The following IKZF3 variants were observed in gnomAD, a reference collection of about 807,000 sequenced individuals.
The protein encoded by IKZF3 is zinc finger protein Aiolos.
IKZF3 carries 10 observed loss-of-function variants against 49.0 expected under a neutral mutation model. The observed-to-expected ratio is 0.20, with a 90% CI of 0.13 to 0.35. The LOEUF is 0.35. Among genes scored for constraint, IKZF3 ranks in the 10% least tolerant of loss-of-function variants. IKZF3 has a pLI of 1.00. For synonymous variants in IKZF3, 209 were observed against 228.2 expected (o/e 0.92, Z 0.76); for missense variants, 498 against 664.8 (o/e 0.75, Z 2.76).
At chr17:39,805,634 A>G (rs2061416793) in intron 3 of IKZF3, among the ~76,000 whole-genome samples, 1 of 152,236 alleles carries the variant, frequency 6.6e-6, no homozygotes, top group Non-Finnish European at 1.5e-5. Flanking sequence ...AATAGAAGAA[A>G]CTCAGCACTG....
At chr17:39,820,664 A>T (rs2061786926) in intron 3 of IKZF3, among the ~76,000 whole-genome samples, 2 of 152,124 alleles carry the variant, frequency 1.3e-5, no homozygotes, top group Non-Finnish European at 2.9e-5. Context: ...TCAGCTTCTA[A>T]GTAGCAGGGG....
intron 3 of IKZF3, among the ~76,000 whole-genome samples, chr17:39,803,884 A>G (rs1379997664): frequency 6.6e-6 from 1 of 152,222 alleles, no homozygotes; most frequent in Non-Finnish European, 1.5e-5. Context: ...GTAAAATTCA[A>G]AAACTGTCAT....
chr17:39,848,768 C>T (rs1325191318), intron 1 of IKZF3, among the ~76,000 whole-genome samples: 2 of 152,168 alleles, frequency 1.3e-5, no homozygotes, highest in South Asian at 2.1e-4. Context: ...CAGCCCGGAA[C>T]TCCTGGGCTT....
Position 39,849,361 on chromosome 17 carries a change from T to TA in IKZF3, c.7+14758dup, listed in dbSNP as rs1225803172. On this transcript the variant is annotated intron_variant, in intron 1 of 7. Transcript: ENST00000346872. ...TCAGTATGAAAAAAGACAACCCAAT[T>TA]AAAAAAAAAAAATCCAGCCAGGCGT... Among the ~76,000 whole-genome samples, 106 of 106,378 alleles carry TA rather than the reference T, an allele frequency of 1.0e-3. No individual in the cohort carries two copies. In the Middle Eastern group the frequency reaches 0.04, roughly 40 times the overall value. 69.8% of individuals were successfully genotyped at this position (106,378 alleles called of 152,430 possible).
At chr17:39,852,130 T>C (rs1281184801) in intron 1 of IKZF3, among the ~76,000 whole-genome samples, 1 of 152,194 alleles carries the variant, frequency 6.6e-6, no homozygotes, top group African/African-American at 2.4e-5. Flanking sequence ...TTGGCATTTT[T>C]CTCTCAATAA....
chr17:39,806,695 T>C (rs1174102929), intron 3 of IKZF3, among the ~76,000 whole-genome samples: 1 of 152,196 alleles, frequency 6.6e-6, no homozygotes, highest in African/African-American at 2.4e-5. Flanking sequence ...GTGGGCAGCC[T>C]TCTAAAACGG....
intron 1 of IKZF3, among the ~76,000 whole-genome samples, chr17:39,854,232 A>G (rs2062972545): frequency 6.6e-6 from 1 of 152,192 alleles, no homozygotes; most frequent in Non-Finnish European, 1.5e-5. Flanking sequence ...ATTCCAGAAG[A>G]CAGAATAAGG....
chr17:39,826,800 G>A (rs914526872), intron 3 of IKZF3, among the ~76,000 whole-genome samples: 1 of 152,138 alleles, frequency 6.6e-6, no homozygotes, highest in Non-Finnish European at 1.5e-5. Context: ...TGCAGAAGAT[G>A]GGCTGAATTT....
intron 3 of IKZF3, among the ~76,000 whole-genome samples, chr17:39,807,639 G>C (rs1455913048): frequency 1.4e-5 from 2 of 142,526 alleles, no homozygotes; most frequent in Non-Finnish European, 3.0e-5. Flanking sequence ...TTGAGCCCAG[G>C]AGTTTGAGAC....
chr17:39,840,232 T>C (rs1335898681), intron 1 of IKZF3, among the ~76,000 whole-genome samples: 1 of 152,214 alleles, frequency 6.6e-6, no homozygotes, highest in Non-Finnish European at 1.5e-5. Flanking sequence ...AGAATTTATA[T>C]CCAAAAAAGC....
chr17:39,805,453 T>C (rs942595242), intron 3 of IKZF3, among the ~76,000 whole-genome samples: 1 of 152,054 alleles, frequency 6.6e-6, no homozygotes, highest in Non-Finnish European at 1.5e-5. Context: ...AGGAAATGAG[T>C]ATAAGGATTA....
chr17:39,834,113 T>C (rs1288489335), intron 1 of IKZF3, among the ~76,000 whole-genome samples: 4 of 152,182 alleles, frequency 2.6e-5, no homozygotes, highest in Non-Finnish European at 5.9e-5. Flanking sequence ...CTGGGATGTG[T>C]TTGTTTTTCT....
chr17:39,768,275 GA>G (rs2060345406), intron 7 of IKZF3, among the ~76,000 whole-genome samples: 1 of 152,202 alleles, frequency 6.6e-6, no homozygotes, highest in South Asian at 2.1e-4. Flanking sequence ...AGCATTCTTG[GA>G]AAATCTAAAT....
chr17:39,789,205 G>A (rs1217101729), intron 5 of IKZF3, among the ~76,000 whole-genome samples: 3 of 152,144 alleles, frequency 2.0e-5, no homozygotes, highest in Non-Finnish European at 4.4e-5. Flanking sequence ...CGAAGTGGGA[G>A]GATCACCTGA....
At chr17:39,852,630 C>T (rs1039214535) in intron 1 of IKZF3, among the ~76,000 whole-genome samples, 3 of 152,052 alleles carry the variant, frequency 2.0e-5, no homozygotes, top group African/African-American at 7.2e-5. Flanking sequence ...GAGAGCCCTT[C>T]TCTCAATATA....
chr17:39,791,407 C>T lies in IKZF3; in HGVS notation c.592+9G>A. The T allele has an allele frequency of 6.2e-7, 1 of 1,613,506 alleles. No homozygotes were observed. Among genetic ancestry groups the T allele is most frequent in the South Asian group, 1.1e-5 (1 of 91,008 alleles). ...TCCTAGACAAGGAATGCTCATTTCT[C>T]TCACTTACCAGAATGTGTCCTAAGA... On this transcript the variant is annotated intron_variant, in intron 5 of 7. Transcript: ENST00000346872.
chr17:39,830,229 C>T (rs577705014), intron 2 of IKZF3, among the ~76,000 whole-genome samples: 1 of 152,244 alleles, frequency 6.6e-6, no homozygotes, highest in South Asian at 2.1e-4. Context: ...TTTCTGTATG[C>T]CAAATTCTGT....
chr17:39,774,793 GGCTAAT>G (rs2060537151), intron 7 of IKZF3, among the ~76,000 whole-genome samples: 1 of 151,926 alleles, frequency 6.6e-6, no homozygotes, highest in Admixed American at 6.6e-5. Flanking sequence ...ATGAATGTCG[GGCTAAT>G]GCGACTGTGT....
chr17:39,798,996 C>CGTGCGT (rs1555631872), intron 3 of IKZF3, among the ~76,000 whole-genome samples: 2 of 148,982 alleles, frequency 1.3e-5, no homozygotes, highest in African/African-American at 2.5e-5. Flanking sequence ...TGTGTGTGTG[C>CGTGCGT]GTGTGTGTGT....
Sources: gnomAD v4.1 joint callset for allele counts (sites outside exome capture counted in the v4.1 genomes callset) on GRCh38, gnomAD v4.1.1 for gene constraint, MANE v1.5 for transcripts, NCBI Gene and HGNC (gene_info 2026-07-23, HGNC 2026-07-21) for gene names.